The following NPLOC4 variants were observed in gnomAD, a reference collection of about 807,000 sequenced individuals.
NPLOC4 encodes nuclear protein localization protein 4 homolog.
Under a neutral mutation model 80.6 loss-of-function variants are expected in NPLOC4, and 18 were observed. The ratio of observed to expected loss-of-function variants is 0.22; its 90% CI spans 0.15 to 0.33. The LOEUF is 0.33. NPLOC4 is among the 10% of genes least tolerant of loss of function. NPLOC4 has a pLI of 1.00. For synonymous variants in NPLOC4, 313 were observed against 301.5 expected (o/e 1.04, Z -0.39); for missense variants, 540 against 786.1 (o/e 0.69, Z 3.74).
chr17:81,610,352 G>A, intron 4 of NPLOC4, 94 bp from the exon 5 acceptor site: 2 of 1,088,660 alleles, frequency 1.8e-6, no homozygotes, highest in Non-Finnish European at 2.7e-6. Context: ...TTAACAGAGT[G>A]TTTCCCTGCC....
intron 7 of NPLOC4, 67 bp from the exon 8 acceptor site, chr17:81,604,794 C>T: frequency 1.5e-6 from 2 of 1,365,846 alleles, no homozygotes; most frequent in Non-Finnish European, 2.0e-6. Flanking sequence ...GTTTTTCTAA[C>T]ACAAACCATT....
chr17:81,562,433 G>A (rs1289237378), intron 16 of NPLOC4: 2 of 152,162 alleles, frequency 1.3e-5, no homozygotes, highest in Admixed American at 6.6e-5. Flanking sequence ...CAGCTACTTA[G>A]GAGGCAGAGG....
intron 2 of NPLOC4, among the ~76,000 whole-genome samples, chr17:81,628,013 C>T (rs1319805337): frequency 6.6e-6 from 1 of 151,754 alleles, no homozygotes; most frequent in African/African-American, 2.4e-5. Flanking sequence ...GAGATGAAGA[C>T]CATCCTGGCT....
chr17:81,631,432 A>ATG (rs2035923464), intron 1 of NPLOC4, among the ~76,000 whole-genome samples: 4 of 46,590 alleles, frequency 8.6e-5, no homozygotes, highest in Non-Finnish European at 1.4e-4. Flanking sequence ...ATATATATAT[A>ATG]TATATTTTTT....
At chr17:81,609,758 C>T (rs1012251981) in intron 5 of NPLOC4, among the ~76,000 whole-genome samples, 13 of 152,186 alleles carry the variant, frequency 8.5e-5, no homozygotes, top group Middle Eastern at 3.2e-3. Context: ...TGAAGAAAAT[C>T]GGGCTGGCCT....
In NPLOC4 at chr17:81,597,321, A is replaced by C; in HGVS notation, c.922-5T>G. 6.2e-7 allele frequency: 1 copy of C among 1,611,964 alleles called. No homozygotes were observed. Among genetic ancestry groups the C allele is most frequent in the South Asian group, 1.1e-5 (1 of 91,044 alleles). ...GTCTGTAAATATCCAGCCAACCTTA[A>C]AAAAAGGAAAGTAGCTTTTAAACAT... On this transcript the variant is annotated splice_polypyrimidine_tract_variant and splice_region_variant and intron_variant, in intron 9 of 16. Coordinates refer to ENST00000331134, the MANE Select transcript of NPLOC4 (RefSeq NM_017921.4).
chr17:81,582,955 G>A (rs112367240), intron 12 of NPLOC4, among the ~76,000 whole-genome samples: 3 of 152,266 alleles, frequency 2.0e-5, no homozygotes, highest in Admixed American at 6.5e-5. Flanking sequence ...GGAGCCTCCC[G>A]GCCAGGGCCA....
At chr17:81,560,706 C>A (rs969774538) in intron 16 of NPLOC4, 1 of 153,030 alleles carries the variant, frequency 6.5e-6, no homozygotes, top group Non-Finnish European at 1.5e-5. Flanking sequence ...CAAACAACAA[C>A]AACAAAAAAC....
In NPLOC4 at chr17:81,622,176, G is replaced by C. The variant is rs1206272504; in HGVS notation, c.199C>G (p.Leu67Val). The C allele has an allele frequency of 6.2e-7, 1 of 1,609,458 alleles. No individual in the cohort carries two copies. Among genetic ancestry groups the C allele is most frequent in the South Asian group, 1.1e-5 (1 of 90,970 alleles). ...TASSNKSLNL[L>V]KIKHGDLLFL... Reference sequence around the variant, plus strand: ...TCAGAGGACACTTACTTGATTTTTAGCAAGTTGAGGGATTTGTTGGAGGAG... The same window carrying C: ...TCAGAGGACACTTACTTGATTTTTACCAAGTTGAGGGATTTGTTGGAGGAG... The change falls in exon 3 of 17, where the codon CTA (leucine) becomes GTA (valine). Residue 67 changes from leucine (L) to valine (V), a missense_variant. By Grantham distance (32) the Leu-to-Val change is conservative. This residue lies in a region of NPLOC4 where 62 missense variants were observed against 84.4 expected (regional missense o/e 0.73). Coordinates refer to ENST00000331134, the MANE Select transcript of NPLOC4 (RefSeq NM_017921.4).
Position 81,600,431 on chromosome 17 carries a change from C to T in NPLOC4, c.835-4G>A. On this transcript the variant is annotated splice_region_variant and splice_polypyrimidine_tract_variant and intron_variant, in intron 8 of 16. Transcript: ENST00000331134. ...CCAAGCTGTTCTGTGTACCAATCTG[C>T]AGGGAATCAAAGGGAGAAGATGGAC... 2 of 1,609,746 alleles carry T rather than the reference C, an allele frequency of 1.2e-6. No individual in the cohort carries two copies. The highest frequency in any genetic ancestry group is 1.7e-4 in the Middle Eastern group (1 of 6,056).
At chr17:81,586,201 C>T (rs1049500859) in intron 12 of NPLOC4, among the ~76,000 whole-genome samples, 5 of 152,146 alleles carry the variant, frequency 3.3e-5, no homozygotes, top group African/African-American at 1.2e-4. Context: ...AGCCCCTTCC[C>T]TCCCCTCCTG....
chr17:81,623,414 G>A (rs1232570106), intron 2 of NPLOC4, among the ~76,000 whole-genome samples: 4 of 136,450 alleles, frequency 2.9e-5, no homozygotes, highest in African/African-American at 5.5e-5. Flanking sequence ...GCAGTGAGTC[G>A]AGATCATGCC....
chr17:81,628,462 G>A (rs188723553), intron 2 of NPLOC4, among the ~76,000 whole-genome samples: 55 of 151,198 alleles, frequency 3.6e-4, no homozygotes, highest in Non-Finnish European at 7.5e-4. Flanking sequence ...GCAGTGAGCC[G>A]AGATCATGCC....
intron 10 of NPLOC4, among the ~76,000 whole-genome samples, chr17:81,596,972 G>A (rs530301353): frequency 6.6e-6 from 1 of 152,242 alleles, no homozygotes; most frequent in South Asian, 2.1e-4. Context: ...AATTAGCTGG[G>A]CATGGTGGCA....
At position 81,567,458 on chromosome 17, in the gene NPLOC4, G is replaced by A. The variant is rs1344102180; in HGVS notation, c.1525C>T (p.Leu509Phe). Residue 509 changes from leucine to phenylalanine, a missense_variant, in exon 15 of 17, where the codon CTC becomes TTC. Around this residue, in one of 6 missense-constraint regions of NPLOC4, gnomAD observed 251 missense variants for 377.5 expected, o/e 0.66. Coordinates refer to ENST00000331134, the MANE Select transcript of NPLOC4 (RefSeq NM_017921.4). The surrounding 1 kb of genome is among the most constrained non-coding windows in gnomAD (Gnocchi z 4.5). The part of the protein sequence containing the change: ...VFLDTISDFH[L>F]LLFLVTNEVM... ...TCATTGGTGACCAGGAACAGCAAGAGGTGGAAATCTGAGATGGTATCCAAG... is the reference window on the plus strand; with the variant it reads ...TCATTGGTGACCAGGAACAGCAAGAAGTGGAAATCTGAGATGGTATCCAAG... The A allele has an allele frequency of 6.2e-7, 1 of 1,613,678 alleles. No individual in the cohort carries two copies. Among genetic ancestry groups the A allele is most frequent in the Non-Finnish European group, 8.5e-7 (1 of 1,179,696 alleles).
chr17:81,626,567 C>T (rs567976554), intron 2 of NPLOC4, among the ~76,000 whole-genome samples: 9 of 152,156 alleles, frequency 5.9e-5, no homozygotes, highest in Non-Finnish European at 8.8e-5. Context: ...GACCAGGCAC[C>T]GCGGCTCCCG....
chr17:81,606,896 T>C lies in NPLOC4; in HGVS notation c.531-82A>G, dbSNP rs539395509. The C allele has an allele frequency of 1.3e-3, 1,722 of 1,337,356 alleles. 2 individuals carry two copies. Among genetic ancestry groups the C allele is most frequent in the Admixed American group, 4.0e-3 (225 of 56,614 alleles). 82.8% of individuals were successfully genotyped at this position (1,337,356 alleles called of 1,614,324 possible). On this transcript the variant is annotated intron_variant, in intron 6 of 16. Coordinates refer to ENST00000331134, the MANE Select transcript of NPLOC4 (RefSeq NM_017921.4). ...TGGAAATGACATGCTAAGTATCTTA[T>C]ACCTCCTGAACAGTGTCTCAGGAGC...
intron 6 of NPLOC4, among the ~76,000 whole-genome samples, chr17:81,608,361 A>G (rs185276724): frequency 2.2e-3 from 340 of 152,334 alleles, no homozygotes; most frequent in Non-Finnish European, 4.0e-3. Flanking sequence ...CTGATACTGC[A>G]CTGTGGCCAC....
chr17:81,622,406 C>G, intron 2 of NPLOC4, 128 bp from the exon 3 acceptor site: 2 of 715,866 alleles, frequency 2.8e-6, no homozygotes, highest in Non-Finnish European at 4.8e-6. Context: ...TACCAAATTC[C>G]TCTTGCTATT....
Sources: allele counts gnomAD v4.1 joint callset (sites outside exome capture counted in the v4.1 genomes callset), GRCh38; gene constraint gnomAD v4.1.1; regional missense constraint gnomAD v4.1.1; non-coding constraint Gnocchi (gnomAD v3.1); transcripts MANE v1.5; gene names NCBI Gene and HGNC (gene_info 2026-07-23, HGNC 2026-07-21).